RFTN2: variants seen among roughly 807,000 people sequenced by gnomAD.
RFTN2 encodes raftlin family member 2.
RFTN2 carries 34 observed loss-of-function variants against 52.7 expected under a neutral mutation model. The observed-to-expected ratio is 0.64, with a 90% CI of 0.49 to 0.86. The LOEUF (loss-of-function observed/expected upper bound fraction) is 0.86, where lower values mean the gene tolerates loss of function less well. Among genes scored for constraint, RFTN2 ranks in the 40% least tolerant of loss-of-function variants. RFTN2 has a pLI of 0.00. For missense variants in RFTN2, 536 were observed against 600.1 expected, an observed-to-expected ratio of 0.89 and a Z score of 1.12; for synonymous variants, 203 against 217.7, an observed-to-expected ratio of 0.93 and a Z score of 0.59.
intron 2 of RFTN2, among the ~76,000 whole-genome samples, chr2:197,645,951 G>C (rs1364363679): frequency 1.3e-5 from 2 of 152,070 alleles, no homozygotes; most frequent in South Asian, 4.1e-4. Flanking sequence ...GCTTGAACCC[G>C]GGAGGCAGAG....
intron 8 of RFTN2, among the ~76,000 whole-genome samples, chr2:197,595,760 T>G (rs1449111630): frequency 6.6e-6 from 1 of 152,220 alleles, no homozygotes; most frequent in East Asian, 1.9e-4. Flanking sequence ...CTTAATTGCC[T>G]TCAGCTCAAA....
rs1302957365 is a variant in RFTN2, at chr2:197,575,880, TATATATA to T, written c.1234-3607_1234-3601del. 4.5e-5 allele frequency among the ~76,000 whole-genome samples: 6 copies of T among 133,678 alleles called. No homozygotes were observed. In the South Asian group the frequency reaches 8.6e-4, roughly 19 times the overall value. 87.7% of individuals were successfully genotyped at this position (133,678 alleles called of 152,430 possible). On this transcript the variant is annotated intron_variant, in intron 8 of 8. Coordinates refer to ENST00000295049, the MANE Select transcript of RFTN2 (RefSeq NM_144629.3). The stretch of plus-strand genomic sequence containing the variant: ...CATAATATATTTATATATTATATAT[TATATATA>T]ATATATATAATATATATATGAAAAA...
At chr2:197,600,797 G>T (rs1368448567) in intron 7 of RFTN2, among the ~76,000 whole-genome samples, 1 of 152,166 alleles carries the variant, frequency 6.6e-6, no homozygotes. Flanking sequence ...TCCTGAGAGG[G>T]ATTTAAGAAT....
chr2:197,582,027 G>A (rs548399210), intron 8 of RFTN2, among the ~76,000 whole-genome samples: 30 of 152,328 alleles, frequency 2.0e-4, no homozygotes, highest in African/African-American at 5.5e-4. Flanking sequence ...GTGCAGGGCT[G>A]TGCAGTTGGA....
At chr2:197,674,791 CTT>C (rs35890768) in intron 1 of RFTN2, among the ~76,000 whole-genome samples, 17 of 141,962 alleles carry the variant, frequency 1.2e-4, no homozygotes, top group Admixed American at 1.4e-4. Flanking sequence ...AGAAGGCTAT[CTT>C]TTTTTTTTTT....
chr2:197,593,260 G>C (rs779901040), intron 8 of RFTN2, among the ~76,000 whole-genome samples: 1 of 152,082 alleles, frequency 6.6e-6, no homozygotes, highest in Non-Finnish European at 1.5e-5. Context: ...ACAAAAAAGA[G>C]CTTGGTACAG....
At chr2:197,667,990 GC>G (rs1261879036) in intron 1 of RFTN2, among the ~76,000 whole-genome samples, 1 of 152,124 alleles carries the variant, frequency 6.6e-6, no homozygotes, top group Non-Finnish European at 1.5e-5. Flanking sequence ...CCCCTGGGGA[GC>G]CAGTGTGGCA....
At chr2:197,610,373 T>A (rs1014038750) in intron 7 of RFTN2, among the ~76,000 whole-genome samples, 235 of 152,304 alleles carry the variant, frequency 1.5e-3, no homozygotes, top group Non-Finnish European at 2.5e-3. Context: ...ATTCTCTTTG[T>A]AGCAATTGTG....
chr2:197,571,193 G>T lies in RFTN2; in HGVS notation c.*815C>A, dbSNP rs965613738. The T allele has an allele frequency of 7.9e-5, 12 of 152,230 alleles. No homozygotes were observed. Among genetic ancestry groups the T allele is most frequent in the Admixed American group, 5.9e-4 (9 of 15,280 alleles). 9.4% of individuals were successfully genotyped at this position (152,230 alleles called of 1,614,324 possible). On this transcript the variant is annotated 3_prime_UTR_variant, in exon 9 of 9. Transcript: ENST00000295049. ...ATCTAGACAGATGTAAAAGACTTCA[G>T]TTTCAAATTGAAGTTGATATTTTTC... is the stretch of plus-strand genomic sequence containing the variant.
intron 1 of RFTN2, among the ~76,000 whole-genome samples, chr2:197,663,072 G>GT (rs921039930): frequency 6.6e-6 from 1 of 151,984 alleles, no homozygotes; most frequent in Non-Finnish European, 1.5e-5. Context: ...TTTATTAAAT[G>GT]TTTTTTTCTG....
At chr2:197,661,265 C>T (rs1455471682) in intron 1 of RFTN2, among the ~76,000 whole-genome samples, 1 of 150,456 alleles carries the variant, frequency 6.6e-6, no homozygotes, top group Non-Finnish European at 1.5e-5. Context: ...GACTCCAGCT[C>T]TGTTGCCGAG....
At chr2:197,640,247 C>T (rs2088641361) in intron 3 of RFTN2, among the ~76,000 whole-genome samples, 1 of 152,184 alleles carries the variant, frequency 6.6e-6, no homozygotes, top group Non-Finnish European at 1.5e-5. Flanking sequence ...CCTCCTTGAG[C>T]TGTGGTGGGC....
At chr2:197,582,933 C>T (rs983812091) in intron 8 of RFTN2, among the ~76,000 whole-genome samples, 5 of 152,150 alleles carry the variant, frequency 3.3e-5, no homozygotes, top group South Asian at 2.1e-4. Flanking sequence ...TCCTTCTCAT[C>T]GGTCACTCCC....
At chr2:197,573,194 T>A (rs1051546668) in intron 8 of RFTN2, among the ~76,000 whole-genome samples, 1 of 152,096 alleles carries the variant, frequency 6.6e-6, no homozygotes, top group Admixed American at 6.5e-5. Context: ...TTTGAAGGGC[T>A]CAGAAGAGGA....
At chr2:197,643,872 A>G (rs2088709561) in intron 3 of RFTN2, among the ~76,000 whole-genome samples, 1 of 152,160 alleles carries the variant, frequency 6.6e-6, no homozygotes, top group Admixed American at 6.6e-5. Flanking sequence ...CTTTCCCAAC[A>G]GCATTCATTA....
intron 8 of RFTN2, among the ~76,000 whole-genome samples, chr2:197,581,529 T>C (rs2087510037): frequency 6.6e-6 from 1 of 152,142 alleles, no homozygotes; most frequent in African/African-American, 2.4e-5. Flanking sequence ...TTACTTTCTT[T>C]CCACCCCTCC....
Position 197,631,231 on chromosome 2 carries a change from A to G in RFTN2, c.719-11T>C, listed in dbSNP as rs562258397. The G allele has an allele frequency of 1.1e-4, 167 of 1,588,406 alleles. 4 individuals are homozygous for G. In the South Asian group the frequency reaches 1.7e-3, roughly 16 times the overall value. ...ATTTGTTATCTGAGGCTAGGCATTCAGAAGGAGAAAAAAGGGGAAAATTAT... is the reference window on the plus strand; with the variant it reads ...ATTTGTTATCTGAGGCTAGGCATTCGGAAGGAGAAAAAAGGGGAAAATTAT... On this transcript the variant is annotated splice_polypyrimidine_tract_variant and intron_variant, in intron 4 of 8. Coordinates refer to ENST00000295049, the MANE Select transcript of RFTN2 (RefSeq NM_144629.3).
At chr2:197,628,420 T>A (rs541435386) in intron 5 of RFTN2, among the ~76,000 whole-genome samples, 15 of 152,300 alleles carry the variant, frequency 9.8e-5, no homozygotes, top group Middle Eastern at 3.4e-3. Context: ...CTTCTGAGGC[T>A]TTAAGAACAA....
Position 197,596,120 on chromosome 2 carries a change from A to T in RFTN2, c.1155-51T>A, listed in dbSNP as rs188472430. ...TATTTGTGAGTTAGTAATTCTCTAT[A>T]TTTCATAATTGGCTAGAACATTCCA... On this transcript the variant is annotated intron_variant, in intron 7 of 8. Coordinates refer to ENST00000295049, the MANE Select transcript of RFTN2 (RefSeq NM_144629.3). 3.7e-6 allele frequency: 4 copies of T among 1,092,776 alleles called. No individual in the cohort carries two copies. The African/African-American group carries it at 4.7e-5, about 13-fold the overall frequency. The allele number at this position is 1,092,776 out of a possible 1,614,324, so 67.7% of individuals were successfully genotyped here.
Sources: allele counts gnomAD v4.1 joint callset (sites outside exome capture counted in the v4.1 genomes callset), GRCh38; gene constraint gnomAD v4.1.1; transcripts MANE v1.5; gene names NCBI Gene and HGNC (gene_info 2026-07-23, HGNC 2026-07-21).